TNS3: variants seen among roughly 807,000 people sequenced by gnomAD.
The protein encoded by TNS3 is tensin 3.
In TNS3, 45 loss-of-function variants were observed where a neutral mutation model predicts 140.9. That is an observed-to-expected ratio of 0.32 (90% CI 0.25 to 0.41). TNS3 has a LOEUF of 0.41. Ranked by LOEUF, TNS3 falls within the 10% of genes least tolerant of loss-of-function variation. TNS3 has a pLI of 1.00. For synonymous variants in TNS3, 815 were observed against 788.4 expected, an observed-to-expected ratio of 1.03 and a Z score of -0.56; for missense variants, 1,716 against 1,906.7, an observed-to-expected ratio of 0.90 and a Z score of 1.86.
chr7:47,329,417 G>C (rs1435416910), intron 20 of TNS3, among the ~76,000 whole-genome samples: 6 of 152,114 alleles, frequency 3.9e-5, no homozygotes, highest in Non-Finnish European at 2.9e-5. Context: ...CCTGAGCCGA[G>C]CCATTGGCCG....
At chr7:47,555,881 T>C (rs1800181893) in intron 1 of TNS3, among the ~76,000 whole-genome samples, 1 of 152,262 alleles carries the variant, frequency 6.6e-6, no homozygotes, top group South Asian at 2.1e-4. Context: ...ATCTCAATAT[T>C]CATTTTATTG....
chr7:47,446,688 CTTTTTTTTTTTTT>C, intron 4 of TNS3, among the ~76,000 whole-genome samples: 4 of 96,730 alleles, frequency 4.1e-5, no homozygotes, highest in African/African-American at 1.8e-4. Context: ...TCCAGGCTGC[CTTTTTTTTTTTTT>C]TTTTTTTTTT....
At chr7:47,303,605 C>A (rs1203111853) in intron 21 of TNS3, 21 bp from the exon 22 acceptor site, 4 of 1,566,358 alleles carry the variant, frequency 2.6e-6, no homozygotes, top group South Asian at 2.3e-5. Flanking sequence ...GACAAGCCGA[C>A]CAAGACAGCA....
intron 17 of TNS3, among the ~76,000 whole-genome samples, chr7:47,356,304 G>C (rs1194005677): frequency 1.3e-5 from 2 of 152,182 alleles, no homozygotes; most frequent in African/African-American, 4.8e-5. Context: ...GTGAGACCTA[G>C]GTGTCAGTAT....
intron 4 of TNS3, among the ~76,000 whole-genome samples, chr7:47,445,556 T>C (rs1477899498): frequency 6.6e-6 from 1 of 152,164 alleles, no homozygotes; most frequent in Non-Finnish European, 1.5e-5. Flanking sequence ...AAAAGACTCT[T>C]GCTTGGGGGA....
chr7:47,368,096 G>C (rs1790811726), intron 17 of TNS3, among the ~76,000 whole-genome samples: 1 of 152,214 alleles, frequency 6.6e-6, no homozygotes, highest in Non-Finnish European at 1.5e-5. Context: ...CTTTCCAGCA[G>C]AGAGCATGCT....
At chr7:47,569,023 C>T (rs1800491665) in intron 1 of TNS3, among the ~76,000 whole-genome samples, 1 of 152,244 alleles carries the variant, frequency 6.6e-6, no homozygotes, top group Non-Finnish European at 1.5e-5. Context: ...AGCAGTTGCT[C>T]ATCTGAGAAT....
intron 27 of TNS3, among the ~76,000 whole-genome samples, 170 bp downstream of exon 27, chr7:47,291,785 C>CA (rs751669302): frequency 1.3e-5 from 2 of 152,174 alleles, no homozygotes; most frequent in Non-Finnish European, 2.9e-5. Flanking sequence ...GCTGATGTCC[C>CA]AACAACTGCA....
At chr7:47,544,817 C>T (rs765325563) in intron 1 of TNS3, among the ~76,000 whole-genome samples, 4 of 151,972 alleles carry the variant, frequency 2.6e-5, no homozygotes, top group Non-Finnish European at 5.9e-5. Context: ...CTATTCTAAC[C>T]GAAAATGAGA....
chr7:47,556,210 T>C (rs1352278970), intron 1 of TNS3, among the ~76,000 whole-genome samples: 1 of 152,216 alleles, frequency 6.6e-6, no homozygotes, highest in Non-Finnish European at 1.5e-5. Flanking sequence ...CTGTTGACAA[T>C]TGAGCAGTAA....
intron 17 of TNS3, among the ~76,000 whole-genome samples, chr7:47,347,424 G>C (rs1380676933): frequency 6.6e-6 from 1 of 152,166 alleles, no homozygotes; most frequent in Non-Finnish European, 1.5e-5. Flanking sequence ...ATGATAAAGA[G>C]AAGGTTCCAC....
At chr7:47,516,220 C>G (rs1798773766) in intron 2 of TNS3, among the ~76,000 whole-genome samples, 1 of 152,142 alleles carries the variant, frequency 6.6e-6, no homozygotes, top group South Asian at 2.1e-4. Context: ...AGAGAAAATC[C>G]TAGAGATTAA....
At chr7:47,581,528 T>G (rs922141510) in intron 1 of TNS3, 1 of 152,248 alleles carries the variant, frequency 6.6e-6, no homozygotes, top group Admixed American at 6.5e-5. Flanking sequence ...GACGGAGTCC[T>G]AGGGAGCAAA....
chr7:47,414,503 AGG>A (rs1375023266), intron 11 of TNS3, among the ~76,000 whole-genome samples: 1 of 152,082 alleles, frequency 6.6e-6, no homozygotes, highest in African/African-American at 2.4e-5. Context: ...GAGGAGGGAT[AGG>A]GCCCTGCTGA....
At chr7:47,448,344 C>G (rs2151617777) in intron 4 of TNS3, among the ~76,000 whole-genome samples, 1 of 152,342 alleles carries the variant, frequency 6.6e-6, no homozygotes, top group East Asian at 1.9e-4. Flanking sequence ...GGATCCTCCC[C>G]AGGTGGGGTG....
chr7:47,356,921 T>C (rs907087168), intron 17 of TNS3, among the ~76,000 whole-genome samples: 2 of 60,616 alleles, frequency 3.3e-5, no homozygotes, highest in African/African-American at 4.7e-5. Context: ...TACAGAAAAA[T>C]ACAAAAAAAA....
At chr7:47,526,710 A>G (rs903659005) in intron 2 of TNS3, among the ~76,000 whole-genome samples, 2 of 152,184 alleles carry the variant, frequency 1.3e-5, no homozygotes, top group Non-Finnish European at 2.9e-5. Context: ...GAAGCCGAGA[A>G]CAAGCCCAGG....
At position 47,516,334 on chromosome 7, in the gene TNS3, T is replaced by C. The variant is rs1798777672; in HGVS notation, c.-152-9390A>G. Among the ~76,000 whole-genome samples, 7 of 152,108 alleles carry C rather than the reference T, an allele frequency of 4.6e-5. No homozygotes were observed. In the South Asian group the frequency reaches 1.5e-3, roughly 32 times the overall value. On this transcript the variant is annotated intron_variant, in intron 2 of 30. Coordinates refer to ENST00000311160, the MANE Select transcript of TNS3 (RefSeq NM_022748.12). ...CTGTGGAGCAGCCCATCCCTGACTCTGCCAGGCTCCCATCTACACTTGCAG... is the reference window on the plus strand; with the variant it reads ...CTGTGGAGCAGCCCATCCCTGACTCCGCCAGGCTCCCATCTACACTTGCAG...
At chr7:47,410,479 CATGTGA>C in intron 13 of TNS3, among the ~76,000 whole-genome samples, 1 of 152,310 alleles carries the variant, frequency 6.6e-6, no homozygotes, top group East Asian at 1.9e-4. Flanking sequence ...AGGTGGTGAG[CATGTGA>C]AACAGGACAG....
Sources: gnomAD v4.1 joint callset for allele counts (sites outside exome capture counted in the v4.1 genomes callset) on GRCh38, gnomAD v4.1.1 for gene constraint, MANE v1.5 for transcripts, NCBI Gene and HGNC (gene_info 2026-07-23, HGNC 2026-07-21) for gene names.